ZNF420: variants seen among roughly 807,000 people sequenced by gnomAD.
ZNF420 encodes the protein ATM and p53-associated KZNF protein.
ZNF420 carries 31 observed loss-of-function variants against 44.7 expected under a neutral mutation model. The ratio of observed to expected loss-of-function variants is 0.69; its 90% CI spans 0.52 to 0.94. The LOEUF is 0.94. ZNF420 is among the 40% of genes least tolerant of loss of function. ZNF420 has a pLI of 0.00. For missense variants in ZNF420, 681 were observed against 827.9 expected, an observed-to-expected ratio of 0.82 and a Z score of 2.18; for synonymous variants, 245 against 267.4, an observed-to-expected ratio of 0.92 and a Z score of 0.82.
chr19:37,093,590 C>T (rs555858830), intron 4 of ZNF420, among the ~76,000 whole-genome samples: 1 of 152,126 alleles, frequency 6.6e-6, no homozygotes, highest in East Asian at 1.9e-4. Context: ...ATCCAAACAC[C>T]TCCCACCAAG....
intron 1 of ZNF420, among the ~76,000 whole-genome samples, chr19:37,049,680 G>A (rs1967604322): frequency 6.6e-6 from 1 of 152,190 alleles, no homozygotes; most frequent in East Asian, 1.9e-4. Flanking sequence ...TGTTCACTCT[G>A]ATGGTAGTTT....
intron 1 of ZNF420, among the ~76,000 whole-genome samples, chr19:37,039,982 A>T (rs1171849763): frequency 6.6e-6 from 1 of 152,114 alleles, no homozygotes; most frequent in Admixed American, 6.5e-5. Context: ...TTCCCACCTC[A>T]GCCTCCCAGA....
chr19:37,082,041 G>A (rs1316549456), intron 2 of ZNF420, among the ~76,000 whole-genome samples: 10 of 152,008 alleles, frequency 6.6e-5, no homozygotes, highest in Non-Finnish European at 1.5e-5. Flanking sequence ...TTAGCATTGT[G>A]TGTCTTTTTC....
intron 1 of ZNF420, among the ~76,000 whole-genome samples, chr19:37,063,566 A>G (rs1404479043): frequency 3.8e-5 from 1 of 26,238 alleles, no homozygotes; most frequent in Admixed American, 3.7e-4. Flanking sequence ...GCCTACCCCC[A>G]CCCGACGAAA....
chr19:37,054,813 G>A (rs1377685481), intron 1 of ZNF420, among the ~76,000 whole-genome samples: 1 of 152,170 alleles, frequency 6.6e-6, no homozygotes, highest in Non-Finnish European at 1.5e-5. Context: ...CTCAGTTGTA[G>A]CAGGATGGAC....
At chr19:37,061,063 T>C (rs565587121) in intron 1 of ZNF420, among the ~76,000 whole-genome samples, 11 of 152,178 alleles carry the variant, frequency 7.2e-5, no homozygotes, top group Non-Finnish European at 4.4e-5. Context: ...ATGATTTTCG[T>C]TGGCATCGAT....
At chr19:37,016,527 T>C (rs922809939) in intron 1 of ZNF420, among the ~76,000 whole-genome samples, 1 of 152,322 alleles carries the variant, frequency 6.6e-6, no homozygotes. Context: ...TCATTGCCCA[T>C]TGGGAGCATG....
intron 4 of ZNF420, among the ~76,000 whole-genome samples, chr19:37,097,960 G>T (rs1301227219): frequency 6.6e-6 from 1 of 152,060 alleles, no homozygotes; most frequent in African/African-American, 2.4e-5. Context: ...ATGTACGATT[G>T]GAATTATATA....
At chr19:37,059,803 T>C (rs975495478) in intron 1 of ZNF420, among the ~76,000 whole-genome samples, 2 of 151,962 alleles carry the variant, frequency 1.3e-5, no homozygotes, top group Admixed American at 1.3e-4. Flanking sequence ...TTTCTCTCTC[T>C]CTCTCTCTCA....
intron 4 of ZNF420, among the ~76,000 whole-genome samples, chr19:37,119,795 A>G (rs1478982141): frequency 6.6e-6 from 1 of 152,238 alleles, no homozygotes; most frequent in Non-Finnish European, 1.5e-5. Flanking sequence ...AGGGGATATC[A>G]CCACCAATCC....
At chr19:37,031,354 G>A (rs1022073741) in intron 1 of ZNF420, among the ~76,000 whole-genome samples, 3 of 152,082 alleles carry the variant, frequency 2.0e-5, no homozygotes, top group Non-Finnish European at 2.9e-5. Flanking sequence ...AAGAAATAGA[G>A]CACAACCAAC....
At chr19:37,111,799 C>T (rs1014247931) in intron 4 of ZNF420, 2 of 152,066 alleles carry the variant, frequency 1.3e-5, no homozygotes, top group African/African-American at 2.4e-5. Flanking sequence ...TCCTGCTCCA[C>T]CAGAGGAATG....
intron 1 of ZNF420, among the ~76,000 whole-genome samples, chr19:37,034,717 C>T (rs751774895): frequency 7.0e-4 from 107 of 152,126 alleles, no homozygotes; most frequent in Non-Finnish European, 1.3e-3. Context: ...ATGAAAGTTC[C>T]AGATACAAAG....
chr19:37,087,298 T>A (rs71356034), intron 2 of ZNF420, among the ~76,000 whole-genome samples: 2,720 of 106,122 alleles, frequency 0.026, 59 homozygotes, highest in East Asian at 0.075. Flanking sequence ...AAAAAATAAA[T>A]AAATAAATAA....
In ZNF420 at chr19:37,129,961, G is replaced by C; in HGVS notation, c.*903G>C. 7.0e-7 allele frequency: 1 copy of C among 1,428,446 alleles called. No homozygotes were observed. Among genetic ancestry groups the C allele is most frequent in the Non-Finnish European group, 9.2e-7 (1 of 1,087,894 alleles). 88.5% of individuals were successfully genotyped at this position (1,428,446 alleles called of 1,614,324 possible). A position where few individuals can be genotyped will look rare whatever the true frequency, so the allele number is the denominator to read the frequency against. On this transcript the variant is annotated 3_prime_UTR_variant, in exon 5 of 5. Transcript: ENST00000337995. ...GCAATGAAAAATGATGAGAGTTTGT[G>C]ATACAGACTGCTTTTTTCCTACCCT... is the stretch of plus-strand genomic sequence containing the variant.
intron 2 of ZNF420, among the ~76,000 whole-genome samples, chr19:37,086,453 A>G: frequency 6.6e-6 from 1 of 152,158 alleles, no homozygotes; most frequent in Non-Finnish European, 1.5e-5. Context: ...GCTTTTGGTA[A>G]GTGGGTGTGG....
chr19:37,012,550 T>C (rs1217002911), intron 1 of ZNF420, among the ~76,000 whole-genome samples: 1 of 152,134 alleles, frequency 6.6e-6, no homozygotes, highest in Non-Finnish European at 1.5e-5. Context: ...AGGCGGAGTC[T>C]GGGGGAAGCA....
intron 4 of ZNF420, among the ~76,000 whole-genome samples, chr19:37,106,382 G>A (rs1194261641): frequency 6.6e-6 from 1 of 152,158 alleles, no homozygotes; most frequent in African/African-American, 2.4e-5. Context: ...ATCATGGGTA[G>A]ATAAACTTTT....
chr19:37,051,548 G>T (rs1445885365), intron 1 of ZNF420, among the ~76,000 whole-genome samples: 2 of 152,180 alleles, frequency 1.3e-5, no homozygotes, highest in Non-Finnish European at 2.9e-5. Flanking sequence ...TTGTATTTCT[G>T]TGGGATCGGT....
Sources: gnomAD v4.1 joint callset for allele counts (sites outside exome capture counted in the v4.1 genomes callset) on GRCh38, gnomAD v4.1.1 for gene constraint, MANE v1.5 for transcripts, NCBI Gene and HGNC (gene_info 2026-07-23, HGNC 2026-07-21) for gene names.